Variants in SFT2D2 observed in about 807,000 individuals in gnomAD.
The protein encoded by SFT2D2 is SFT2 domain containing 2, also known as vesicle transport protein SFT2B.
SFT2D2 carries 21 observed loss-of-function variants against 27.4 expected under a neutral mutation model. That is an observed-to-expected ratio of 0.77 (90% CI 0.54 to 1.10). SFT2D2 has a LOEUF of 1.10. SFT2D2 is among the 50% of genes least tolerant of loss of function. The pLI is 0.00. For synonymous variants in SFT2D2, 72 were observed against 71.7 expected (o/e 1.00, Z -0.02); for missense variants, 187 against 194.2 (o/e 0.96, Z 0.22).
chr1:168,250,820 C>T lies in SFT2D2; in HGVS notation c.*8280C>T, dbSNP rs1647934975. 1 of 152,158 alleles carries T rather than the reference C, an allele frequency of 6.6e-6. No homozygotes were observed. Among genetic ancestry groups the T allele is most frequent in the African/African-American group, 2.4e-5 (1 of 41,402 alleles). The allele number at this position is 152,158 out of a possible 1,614,324, so 9.4% of individuals were successfully genotyped here. ...TAGCTCAGATCCTAGCTCAAGATGTCTTGTCTGGGAAGGGCAAAACATGGT... is the reference window on the plus strand; with the variant it reads ...TAGCTCAGATCCTAGCTCAAGATGTTTTGTCTGGGAAGGGCAAAACATGGT... On this transcript the variant is annotated 3_prime_UTR_variant, in exon 8 of 8. Transcript: ENST00000271375.
At position 168,243,718 on chromosome 1, in the gene SFT2D2, C is replaced by G. The variant is rs1046914974; in HGVS notation, c.*1178C>G. 1 of 152,596 alleles carries G rather than the reference C, an allele frequency of 6.6e-6. No homozygotes were observed. Among genetic ancestry groups the G allele is most frequent in the Non-Finnish European group, 1.5e-5 (1 of 68,368 alleles). 9.5% of individuals were successfully genotyped at this position (152,596 alleles called of 1,614,324 possible). On this transcript the variant is annotated 3_prime_UTR_variant, in exon 8 of 8. Coordinates refer to ENST00000271375, the MANE Select transcript of SFT2D2 (RefSeq NM_199344.3). ...GGCCCACACTGGTTTTTGGATCCAC[C>G]CAAAGCCACAGCTTCAGCCTCCTTC...
At position 168,248,342 on chromosome 1, in the gene SFT2D2, C is replaced by T. The variant is rs1056508151; in HGVS notation, c.*5802C>T. On this transcript the variant is annotated 3_prime_UTR_variant, in exon 8 of 8. Coordinates refer to ENST00000271375, the MANE Select transcript of SFT2D2 (RefSeq NM_199344.3). The stretch of plus-strand genomic sequence containing the variant: ...ACTTCCTCTTTTCCTAATTGAATAC[C>T]CTTTATTTCTTTCTCTTGCCTGATT... 1.1e-4 allele frequency: 16 copies of T among 152,192 alleles called. No individual in the cohort carries two copies. The highest frequency in any genetic ancestry group is 3.6e-4 in the African/African-American group (15 of 41,520). 9.4% of individuals were successfully genotyped at this position (152,192 alleles called of 1,614,324 possible).
intron 7 of SFT2D2, among the ~76,000 whole-genome samples, chr1:168,241,898 A>G (rs1432701275): frequency 6.6e-6 from 1 of 152,186 alleles, no homozygotes; most frequent in East Asian, 1.9e-4. Context: ...GAGCTGGGGT[A>G]TGAGAAGCCT....
chr1:168,239,786 C>G, intron 7 of SFT2D2, among the ~76,000 whole-genome samples: 1 of 151,470 alleles, frequency 6.6e-6, no homozygotes, highest in Admixed American at 6.6e-5. Context: ...GCCGCATGAT[C>G]TTTGCCTCTG....
At chr1:168,229,253 T>C (rs1700488894) in intron 1 of SFT2D2, among the ~76,000 whole-genome samples, 1 of 152,212 alleles carries the variant, frequency 6.6e-6, no homozygotes, top group Non-Finnish European at 1.5e-5. Context: ...GGAGTCTCGC[T>C]CTGTCGCCCA....
At chr1:168,226,178 G>A in intron 1 of SFT2D2, 36 bp downstream of exon 1, 2 of 1,518,996 alleles carry the variant, frequency 1.3e-6, no homozygotes, top group Non-Finnish European at 1.8e-6. Context: ...CCCTCTCGCC[G>A]CGCTCCCGCC....
Position 168,242,483 on chromosome 1 carries a change from G to A in SFT2D2, c.444-18G>A. On this transcript the variant is annotated intron_variant, in intron 7 of 7. Coordinates refer to ENST00000271375, the MANE Select transcript of SFT2D2 (RefSeq NM_199344.3). ...GGGTGATGACGTTCCACTCATCTTT[G>A]TGTCTTTTCTTTCCTAGGGATGCTG... 3 of 1,613,812 alleles carry A rather than the reference G, an allele frequency of 1.9e-6. No homozygotes were observed. Among genetic ancestry groups the A allele is most frequent in the Non-Finnish European group, 2.5e-6 (3 of 1,179,958 alleles).
rs748062710 is a variant in SFT2D2 at position 168,231,527 on chromosome 1, C to G, written c.77C>G (p.Ser26Cys). 6.2e-7 allele frequency: 1 copy of G among 1,612,702 alleles called. No individual in the cohort carries two copies. The highest frequency in any genetic ancestry group is 2.2e-5 in the East Asian group (1 of 44,840). ...TTTCAATTTTAGGTTGTTGAGGCAT[C>G]TTCATTAAGCTGGAGTACCAGGATA... ...RSGLSEVVEASSLSWSTRIKG... is the reference protein window; with the variant it reads ...RSGLSEVVEACSLSWSTRIKG... Residue 26 changes from serine to cysteine, a missense_variant, in exon 2 of 8, where the codon TCT becomes TGT. Physicochemically the swap from Ser to Cys is moderately radical, Grantham distance 112. Coordinates refer to ENST00000271375, the MANE Select transcript of SFT2D2 (RefSeq NM_199344.3).
Position 168,252,446 on chromosome 1 carries a change from T to C in SFT2D2, c.*9906T>C, listed in dbSNP as rs1415841357. 4 of 152,244 alleles carry C rather than the reference T, an allele frequency of 2.6e-5. No individual in the cohort carries two copies. Among genetic ancestry groups the C allele is most frequent in the Non-Finnish European group, 5.9e-5 (4 of 68,038 alleles). The allele number at this position is 152,244 out of a possible 1,614,324, so 9.4% of individuals were successfully genotyped here. A position where few individuals can be genotyped will look rare whatever the true frequency, so the allele number is the denominator to read the frequency against. ...TGAATGTCCATGCTACAAGAAGTTA[T>C]GAGCCTTGTTCTAAGTACAGATGAA... On this transcript the variant is annotated 3_prime_UTR_variant, in exon 8 of 8. Coordinates refer to ENST00000271375, the MANE Select transcript of SFT2D2 (RefSeq NM_199344.3).
At chr1:168,235,237 A>G (rs1647464312) in intron 4 of SFT2D2, 55 bp downstream of exon 4, 5 of 1,526,054 alleles carry the variant, frequency 3.3e-6, no homozygotes, top group East Asian at 4.5e-5. Context: ...TTTCTATTGT[A>G]TAGGATGTTT....
chr1:168,231,377 T>G (rs1481705053), intron 1 of SFT2D2, 137 bp from the exon 2 acceptor site: 4 of 677,660 alleles, frequency 5.9e-6, no homozygotes, highest in Non-Finnish European at 1.0e-5. Context: ...ATTTGATGAC[T>G]TACATCGCCT....
rs1647960939 is a variant in SFT2D2 at position 168,251,903 on chromosome 1, A to G, written c.*9363A>G. On this transcript the variant is annotated 3_prime_UTR_variant, in exon 8 of 8. Transcript: ENST00000271375. ...TATTTTAAAAGTTTGTTGGGAGGTA[A>G]AATTGTGTGACTTTACCTTCTGGTT... 6.6e-6 allele frequency: 1 copy of G among 152,168 alleles called. No homozygotes were observed. The highest frequency in any genetic ancestry group is 2.1e-4 in the South Asian group (1 of 4,834). 9.4% of individuals were successfully genotyped at this position (152,168 alleles called of 1,614,324 possible).
At chr1:168,233,448 G>A (rs1259624557) in intron 3 of SFT2D2, among the ~76,000 whole-genome samples, 1 of 152,172 alleles carries the variant, frequency 6.6e-6, no homozygotes, top group Non-Finnish European at 1.5e-5. Flanking sequence ...AGGGCTGCAC[G>A]TGTATCTTGT....
At chr1:168,232,926 C>T (rs990336292) in intron 3 of SFT2D2, among the ~76,000 whole-genome samples, 4 of 152,240 alleles carry the variant, frequency 2.6e-5, no homozygotes, top group East Asian at 3.9e-4. Flanking sequence ...CTTACCTGAG[C>T]AAGATGCATC....
intron 7 of SFT2D2, among the ~76,000 whole-genome samples, chr1:168,240,594 T>G (rs1647618922): frequency 6.6e-6 from 1 of 152,074 alleles, no homozygotes; most frequent in Non-Finnish European, 1.5e-5. Context: ...CAGGGCCCAG[T>G]GCAAAATAAA....
chr1:168,228,856 A>T (rs182791455), intron 1 of SFT2D2, among the ~76,000 whole-genome samples: 35 of 152,314 alleles, frequency 2.3e-4, no homozygotes, highest in Non-Finnish European at 4.4e-4. Flanking sequence ...ATTTCCAAAA[A>T]CAATATGCTA....
rs535996927 is a variant in SFT2D2, at chr1:168,252,764, T to G, written c.*10224T>G. 90 of 152,328 alleles carry G rather than the reference T, an allele frequency of 5.9e-4. No homozygotes were observed. Among genetic ancestry groups the G allele is most frequent in the African/African-American group, 2.1e-3 (88 of 41,570 alleles). The allele number at this position is 152,328 out of a possible 1,614,324, so 9.4% of individuals were successfully genotyped here. The stretch of plus-strand genomic sequence containing the variant: ...TTAAAATACGTTGTTAAAACATGAA[T>G]CCATTTTTGTAATTGTATAAATACT... On this transcript the variant is annotated 3_prime_UTR_variant, in exon 8 of 8. Coordinates refer to ENST00000271375, the MANE Select transcript of SFT2D2 (RefSeq NM_199344.3).
At position 168,245,602 on chromosome 1, in the gene SFT2D2, T is replaced by G. The variant is rs1647787388; in HGVS notation, c.*3062T>G. 1 of 149,300 alleles carries G rather than the reference T, an allele frequency of 6.7e-6. No homozygotes were observed. The highest frequency in any genetic ancestry group is 2.1e-4 in the South Asian group (1 of 4,694). The allele number at this position is 149,300 out of a possible 1,614,324, so 9.2% of individuals were successfully genotyped here. ...TTTTTTGTAGAAATTAAAAACTGGT[T>G]TTAAGATTCACATGGCATGCAGATG... is the stretch of plus-strand genomic sequence containing the variant. On this transcript the variant is annotated 3_prime_UTR_variant, in exon 8 of 8. Transcript: ENST00000271375.
chr1:168,238,363 G>T (rs1647560813), intron 6 of SFT2D2, among the ~76,000 whole-genome samples: 1 of 151,936 alleles, frequency 6.6e-6, no homozygotes, highest in South Asian at 2.1e-4. Context: ...AAAATGTTAG[G>T]AGTTCAACTG....
Sources: allele counts gnomAD v4.1 joint callset (sites outside exome capture counted in the v4.1 genomes callset), GRCh38; gene constraint gnomAD v4.1.1; transcripts MANE v1.5; gene names NCBI Gene and HGNC (gene_info 2026-07-23, HGNC 2026-07-21).